The following STPG2 variants were observed in gnomAD, a reference collection of about 807,000 sequenced individuals.
STPG2 encodes the protein sperm-tail PG-rich repeat-containing protein 2.
Under a neutral mutation model 54.2 loss-of-function variants are expected in STPG2, and 56 were observed. That is an observed-to-expected ratio of 1.03 (90% confidence interval 0.83 to 1.29). The LOEUF (loss-of-function observed/expected upper bound fraction) is 1.29. Ranked by LOEUF, STPG2 falls within the 50% of genes most tolerant of loss-of-function variation. The pLI, the probability that STPG2 is intolerant of heterozygous loss-of-function variation, is 0.00. For missense variants in STPG2, 596 were observed against 544.9 expected (o/e 1.09, Z -0.93); for synonymous variants, 200 against 181.8 (o/e 1.10, Z -0.81).
At chr4:97,847,145 G>A (rs545165402) in intron 8 of STPG2, among the ~76,000 whole-genome samples, 2,451 of 152,128 alleles carry the variant, frequency 0.016, 28 homozygotes, top group Non-Finnish European at 0.024. Context: ...TAAATATTCA[G>A]AAAACTTTGT....
At chr4:97,530,685 T>C (rs914018410) in intron 4 of STPG2, among the ~76,000 whole-genome samples, 5 of 152,164 alleles carry the variant, frequency 3.3e-5, no homozygotes, top group Non-Finnish European at 7.3e-5. Flanking sequence ...AGAACCAAAA[T>C]CAGGTGAGCA....
chr4:97,674,323 A>G (rs1722779015), intron 10 of STPG2, among the ~76,000 whole-genome samples: 1 of 152,232 alleles, frequency 6.6e-6, no homozygotes, highest in Non-Finnish European at 1.5e-5. Context: ...AAAATTTTTC[A>G]ACGTATTATT....
intron 9 of STPG2, among the ~76,000 whole-genome samples, chr4:97,833,800 C>T (rs565081915): frequency 7.2e-5 from 11 of 152,180 alleles, no homozygotes; most frequent in South Asian, 4.1e-4. Context: ...CAAATCAAAA[C>T]CACAATGAGA....
At chr4:97,945,050 A>G (rs1733149950) in intron 7 of STPG2, among the ~76,000 whole-genome samples, 1 of 152,132 alleles carries the variant, frequency 6.6e-6, no homozygotes, top group South Asian at 2.1e-4. Flanking sequence ...AAAATAACTT[A>G]TTTTTATAAT....
chr4:98,000,631 C>T (rs571534737), intron 5 of STPG2, among the ~76,000 whole-genome samples: 3 of 152,074 alleles, frequency 2.0e-5, no homozygotes, highest in Admixed American at 1.3e-4. Flanking sequence ...CAAACATGCT[C>T]TATGTGGTTC....
At chr4:97,800,556 G>T (rs1178651257) in intron 9 of STPG2, among the ~76,000 whole-genome samples, 2 of 152,226 alleles carry the variant, frequency 1.3e-5, no homozygotes, top group African/African-American at 4.8e-5. Context: ...TCGTCTCAGA[G>T]TGGTACCCGG....
intron 10 of STPG2, among the ~76,000 whole-genome samples, chr4:97,618,593 G>A (rs1375322977): frequency 6.6e-6 from 1 of 152,116 alleles, no homozygotes; most frequent in Non-Finnish European, 1.5e-5. Flanking sequence ...AGCTTGTTCA[G>A]AAAATAGCTC....
intron 9 of STPG2, among the ~76,000 whole-genome samples, chr4:97,714,260 T>C (rs1377115964): frequency 6.6e-6 from 1 of 152,230 alleles, no homozygotes; most frequent in African/African-American, 2.4e-5. Flanking sequence ...TAGGTTAGTA[T>C]GAAACATTTT....
chr4:97,819,974 G>GT (rs1198090788), intron 9 of STPG2, among the ~76,000 whole-genome samples: 29 of 150,122 alleles, frequency 1.9e-4, no homozygotes, highest in South Asian at 6.4e-4. Flanking sequence ...TTTGTTTTTT[G>GT]TTTTTTTTTA....
intron 8 of STPG2, among the ~76,000 whole-genome samples, chr4:97,845,220 G>A (rs1329019757): frequency 6.6e-6 from 1 of 150,940 alleles, no homozygotes; most frequent in Non-Finnish European, 1.5e-5. Flanking sequence ...TTTCTTTAAT[G>A]AGATTTGTTG....
At position 97,855,752 on chromosome 4, in the gene STPG2, C is replaced by G. The variant is rs146446662; in HGVS notation, c.1045-14820G>C. ...TGAAATCTTTGTCCATGCCTGTGTCCTAAATGGTATTGCCTAAATTTTCTT... is the reference window on the plus strand; with the variant it reads ...TGAAATCTTTGTCCATGCCTGTGTCGTAAATGGTATTGCCTAAATTTTCTT... On this transcript the variant is annotated intron_variant, in intron 8 of 10. Coordinates refer to ENST00000295268, the MANE Select transcript of STPG2 (RefSeq NM_174952.3). Among the ~76,000 whole-genome samples, 57 of 152,164 alleles carry G rather than the reference C, an allele frequency of 3.7e-4. 2 individuals carry two copies. In the East Asian group the frequency reaches 0.01, roughly 28 times the overall value.
chr4:97,833,162 T>C (rs1339934956), intron 9 of STPG2, among the ~76,000 whole-genome samples: 1 of 152,042 alleles, frequency 6.6e-6, no homozygotes, highest in Admixed American at 6.6e-5. Flanking sequence ...CCAAAACAGA[T>C]GTATAGACCA....
chr4:97,692,869 G>A (rs565721288), intron 10 of STPG2, among the ~76,000 whole-genome samples: 26 of 152,132 alleles, frequency 1.7e-4, no homozygotes, highest in Non-Finnish European at 2.6e-4. Context: ...TCCTACAAGC[G>A]AGGAGGGATT....
At chr4:97,836,205 T>A (rs1728625302) in intron 9 of STPG2, among the ~76,000 whole-genome samples, 1 of 151,768 alleles carries the variant, frequency 6.6e-6, no homozygotes, top group African/African-American at 2.4e-5. Context: ...AAAGGAAGGG[T>A]CAATCAATGT....
chr4:97,747,069 ATAGT>A (rs1161282996), intron 9 of STPG2, among the ~76,000 whole-genome samples: 14 of 151,054 alleles, frequency 9.3e-5, no homozygotes, highest in African/African-American at 2.7e-4. Context: ...TTTAGGTTTC[ATAGT>A]TAAAGTAGAG....
chr4:97,620,851 C>T (rs1217534697), intron 10 of STPG2, among the ~76,000 whole-genome samples: 1 of 152,018 alleles, frequency 6.6e-6, no homozygotes, highest in Non-Finnish European at 1.5e-5. Flanking sequence ...CACCACATGG[C>T]ACATAATCAA....
In STPG2 at chr4:97,559,136, A is replaced by G; in HGVS notation, c.1321-19T>C. 1.3e-6 allele frequency: 2 copies of G among 1,530,898 alleles called. No individual in the cohort carries two copies. The highest frequency in any genetic ancestry group is 1.8e-6 in the Non-Finnish European group (2 of 1,126,038). 94.8% of individuals were successfully genotyped at this position (1,530,898 alleles called of 1,614,324 possible). On this transcript the variant is annotated intron_variant, in intron 10 of 10. Transcript: ENST00000295268. ...GGGATATCTGTTTAATAAGAATGAG[A>G]AAAAAAGGAGGAAAACATCTACTTA...
At chr4:97,603,844 G>A (rs948647939) in intron 10 of STPG2, among the ~76,000 whole-genome samples, 3 of 151,528 alleles carry the variant, frequency 2.0e-5, no homozygotes, top group African/African-American at 7.3e-5. Context: ...AGGGAGAGAT[G>A]GTGAGTTGCT....
At chr4:97,638,161 A>G (rs1326478692) in intron 10 of STPG2, among the ~76,000 whole-genome samples, 2 of 152,154 alleles carry the variant, frequency 1.3e-5, no homozygotes, top group Non-Finnish European at 2.9e-5. Flanking sequence ...GATCAATGGA[A>G]CAGAACAGAG....
Sources: gnomAD v4.1 joint callset for allele counts (sites outside exome capture counted in the v4.1 genomes callset) on GRCh38, gnomAD v4.1.1 for gene constraint, MANE v1.5 for transcripts, NCBI Gene and HGNC (gene_info 2026-07-23, HGNC 2026-07-21) for gene names.